The following RAB12 variants were observed in gnomAD, a reference collection of about 807,000 sequenced individuals.
RAB12 encodes the protein RAB12, member RAS oncogene family.
In RAB12, 11 loss-of-function variants were observed where a neutral mutation model predicts 28.4. The observed-to-expected ratio is 0.39, with a 90% confidence interval of 0.24 to 0.64. RAB12 has a LOEUF of 0.64. Ranked by LOEUF, RAB12 falls within the 30% of genes least tolerant of loss-of-function variation. The probability of loss-of-function intolerance (pLI) is 0.50; values close to 1 mark genes in which losing one functional copy is unlikely to be tolerated. For synonymous variants in RAB12, 138 were observed against 145.3 expected (o/e 0.95, Z 0.36); for missense variants, 276 against 351.1 (o/e 0.79, Z 1.71).
At chr18:8,617,452 G>GTTTT (rs77242592) in intron 1 of RAB12, among the ~76,000 whole-genome samples, 1 of 143,778 alleles carries the variant, frequency 7.0e-6, no homozygotes, top group Non-Finnish European at 1.5e-5. Context: ...TTTGATCATG[G>GTTTT]TTTTTTTTTT....
Position 8,614,806 on chromosome 18 carries a change from G to A in RAB12, c.514+4853G>A, listed in dbSNP as rs544136132. Among the ~76,000 whole-genome samples the A allele has an allele frequency of 7.2e-5, 11 of 152,176 alleles. No individual in the cohort carries two copies. In the East Asian group the frequency reaches 1.7e-3, roughly 24 times the overall value. On this transcript the variant is annotated intron_variant, in intron 1 of 5. Transcript: ENST00000649141. ...TCACCATGTTGGCCAGGCTGGTCTC[G>A]AAATCCTGACCTTGTGATCCACCCT...
At chr18:8,638,011 G>A in intron 5 of RAB12, 138 bp from the exon 6 acceptor site, 1 of 601,916 alleles carries the variant, frequency 1.7e-6, no homozygotes, top group Non-Finnish European at 3.0e-6. Context: ...TGGGGAGGCA[G>A]GAGAGGCAGG....
chr18:8,610,147 C>T, intron 1 of RAB12, 194 bp downstream of exon 1: 2 of 504,630 alleles, frequency 4.0e-6, no homozygotes. Context: ...CGTGCCGCCT[C>T]CGGGCAGACC....
chr18:8,634,283 CTTTTTTTTT>C (rs752637908), intron 3 of RAB12, among the ~76,000 whole-genome samples: 5 of 92,586 alleles, frequency 5.4e-5, no homozygotes, highest in African/African-American at 1.9e-4. Context: ...CTCTCTCTCT[CTTTTTTTTT>C]TTTTTTTTTT....
chr18:8,622,830 G>T (rs994202977), intron 1 of RAB12, among the ~76,000 whole-genome samples: 4 of 151,978 alleles, frequency 2.6e-5, no homozygotes, highest in African/African-American at 4.8e-5. Flanking sequence ...CCGCCACCCC[G>T]TAGACCTACC....
In RAB12 at chr18:8,639,147, C is replaced by CTTTTTGTTTTTTTTTTTTTT. The variant is rs1567898835; in HGVS notation, c.*890_*891insGTTTTTTTTTTTTTTTTTTT. 1 of 16,024 alleles carries CTTTTTGTTTTTTTTTTTTTT rather than the reference C, an allele frequency of 6.2e-5. No homozygotes were observed. The highest frequency in any genetic ancestry group is 1.3e-4 in the Non-Finnish European group (1 of 7,590). 1.0% of individuals were successfully genotyped at this position (16,024 alleles called of 1,614,324 possible). A position where few individuals can be genotyped will look rare whatever the true frequency, so the allele number is the denominator to read the frequency against. Reference sequence around the variant, plus strand: ...ATTCTGATTAAGCCTAGACTGTGTTCTTTTTTTTTTTTTTTTTTTTTTTTT... The same window carrying CTTTTTGTTTTTTTTTTTTTT: ...ATTCTGATTAAGCCTAGACTGTGTTCTTTTTGTTTTTTTTTTTTTTTTTTTTTTTTTTTTTTTTTTTTTTT... On this transcript the variant is annotated 3_prime_UTR_variant, in exon 6 of 6. Coordinates refer to ENST00000649141, the MANE Select transcript of RAB12 (RefSeq NM_001025300.3).
intron 2 of RAB12, among the ~76,000 whole-genome samples, chr18:8,632,220 G>A: frequency 6.7e-6 from 1 of 149,632 alleles, no homozygotes; most frequent in East Asian, 2.0e-4. Context: ...AGAGGTTGCA[G>A]TGAACCAAGA....
intron 2 of RAB12, among the ~76,000 whole-genome samples, chr18:8,632,430 A>C (rs1254722427): frequency 1.3e-5 from 2 of 152,166 alleles, no homozygotes. Flanking sequence ...GGACCCAGAC[A>C]GAGGCATTCT....
chr18:8,632,247 A>T (rs1467285345), intron 2 of RAB12, among the ~76,000 whole-genome samples: 2 of 149,492 alleles, frequency 1.3e-5, no homozygotes, highest in Non-Finnish European at 3.0e-5. Context: ...CACTGATTGC[A>T]TTCCAGCCTG....
At chr18:8,631,041 A>G (rs906510246) in intron 2 of RAB12, among the ~76,000 whole-genome samples, 1 of 152,208 alleles carries the variant, frequency 6.6e-6, no homozygotes, top group Non-Finnish European at 1.5e-5. Flanking sequence ...GGCATCTGCC[A>G]TCATGCCTAG....
At chr18:8,630,544 T>A (rs952565782) in intron 2 of RAB12, among the ~76,000 whole-genome samples, 6 of 152,208 alleles carry the variant, frequency 3.9e-5, no homozygotes, top group African/African-American at 1.4e-4. Flanking sequence ...CTGCTCATCA[T>A]GGCCAGCACC....
chr18:8,632,958 A>G, intron 2 of RAB12: 1 of 515,388 alleles, frequency 1.9e-6, no homozygotes, highest in Non-Finnish European at 3.4e-6. Flanking sequence ...ATCCATCTCC[A>G]TTAATCTAAT....
chr18:8,610,029 T>G, intron 1 of RAB12, 76 bp downstream of exon 1: 1 of 1,160,394 alleles, frequency 8.6e-7, no homozygotes, highest in Non-Finnish European at 1.3e-6. Context: ...GGGCTTCGAG[T>G]CTCATCGAGC....
chr18:8,636,193 T>C (rs2096018794), intron 4 of RAB12, 60 bp from the exon 5 acceptor site: 12 of 1,117,112 alleles, frequency 1.1e-5, no homozygotes, highest in Non-Finnish European at 1.5e-5. Flanking sequence ...AGAGACCTCA[T>C]GCTCGCACGC....
chr18:8,612,542 C>T (rs1344068631), intron 1 of RAB12, among the ~76,000 whole-genome samples: 4 of 152,208 alleles, frequency 2.6e-5, no homozygotes, highest in Admixed American at 6.5e-5. Context: ...TGGGAAAGAC[C>T]GTGAGCCTCA....
rs368389688 is a variant in RAB12, at chr18:8,632,829, TC to T, written c.576-355del. The T allele has an allele frequency of 2.5e-3, 597 of 235,266 alleles. 1 individual carries two copies. Among genetic ancestry groups the T allele is most frequent in the African/African-American group, 0.014 (575 of 42,524 alleles). 14.6% of individuals were successfully genotyped at this position (235,266 alleles called of 1,614,324 possible). Reference sequence around the variant, plus strand: ...GGAAACTCTGTATTTTAAAAACTTTTCCCCCATTTTATTTTAGGAAAACATC... The same window carrying T: ...GGAAACTCTGTATTTTAAAAACTTTTCCCCATTTTATTTTAGGAAAACATC... On this transcript the variant is annotated intron_variant, in intron 2 of 5. Coordinates refer to ENST00000649141, the MANE Select transcript of RAB12 (RefSeq NM_001025300.3).
intron 4 of RAB12, chr18:8,635,868 G>A (rs1018456063): frequency 2.4e-5 from 11 of 458,842 alleles, no homozygotes; most frequent in Admixed American, 3.9e-5. Flanking sequence ...ATTTTATACA[G>A]AGAAACATAT....
At chr18:8,612,548 C>T (rs1014414687) in intron 1 of RAB12, among the ~76,000 whole-genome samples, 1 of 152,244 alleles carries the variant, frequency 6.6e-6, no homozygotes, top group African/African-American at 2.4e-5. Context: ...AGACCGTGAG[C>T]CTCACAGCAT....
intron 1 of RAB12, among the ~76,000 whole-genome samples, chr18:8,616,404 G>A (rs922543641): frequency 6.2e-5 from 9 of 145,626 alleles, no homozygotes; most frequent in African/African-American, 1.8e-4. Context: ...AAAAAAACTT[G>A]TGAAACTGGG....
Sources: gnomAD v4.1 joint callset for allele counts (sites outside exome capture counted in the v4.1 genomes callset) on GRCh38, gnomAD v4.1.1 for gene constraint, MANE v1.5 for transcripts, NCBI Gene and HGNC (gene_info 2026-07-23, HGNC 2026-07-21) for gene names.